Variants in ZNF844 observed in about 807,000 individuals in gnomAD.
ZNF844 encodes the protein zinc finger protein 844.
A neutral mutation model predicts 11.4 loss-of-function variants in ZNF844; 11 were observed. That is an observed-to-expected ratio of 0.97 (90% confidence interval 0.61 to 1.60). The LOEUF (loss-of-function observed/expected upper bound fraction) is 1.60, where lower values mean the gene tolerates loss of function less well. Among genes scored for constraint, ZNF844 ranks in the 40% most tolerant of loss-of-function variants. The probability of loss-of-function intolerance (pLI) is 0.00; values close to 1 mark genes in which losing one functional copy is unlikely to be tolerated. For missense variants in ZNF844, 790 were observed against 796.8 expected, an observed-to-expected ratio of 0.99 and a Z score of 0.10; for synonymous variants, 248 against 260.3, an observed-to-expected ratio of 0.95 and a Z score of 0.46.
Position 12,076,725 on chromosome 19 carries a change from CAAT to C in ZNF844, c.1606_1608del (p.Asn536del). 6.2e-7 allele frequency: 1 copy of C among 1,611,466 alleles called. No homozygotes were observed. Among genetic ancestry groups the C allele is most frequent in the Non-Finnish European group, 8.5e-7 (1 of 1,179,000 alleles). On this transcript the variant is annotated inframe_deletion, in exon 4 of 4. Transcript: ENST00000439326. ...TGGAAAGCAACTGTATGAATCTAAA[CAAT>C]GTGAAAAAACCTTTGGATCTGTCAG...
At position 12,076,750 on chromosome 19, in the gene ZNF844, T is replaced by A. The variant is rs1213958538; in HGVS notation, c.1630T>A (p.Ser544Thr). The A allele has an allele frequency of 1.9e-6, 3 of 1,599,726 alleles. No individual in the cohort carries two copies. The highest frequency in any genetic ancestry group is 2.6e-6 in the Non-Finnish European group (3 of 1,172,774). ...LNNVKKPLDL[S>T]ETFKFMKRHT... ...CAATGTGAAAAAACCTTTGGATCTG[T>A]CAGAAACCTTCAAATTCATGAAAAG... Residue 544 changes from serine to threonine, a missense_variant, in exon 4 of 4, where the codon TCA (serine) becomes ACA (threonine). Coordinates refer to ENST00000439326, the MANE Select transcript of ZNF844 (RefSeq NM_001136501.3).
chr19:12,068,613 C>T (rs1216204178), intron 1 of ZNF844, among the ~76,000 whole-genome samples: 1 of 152,118 alleles, frequency 6.6e-6, no homozygotes, highest in Non-Finnish European at 1.5e-5. Flanking sequence ...GCCTGGGCAA[C>T]AAGAGTGAAA....
At chr19:12,073,752 G>T (rs1403518338) in intron 1 of ZNF844, among the ~76,000 whole-genome samples, 1 of 152,130 alleles carries the variant, frequency 6.6e-6, no homozygotes, top group African/African-American at 2.4e-5. Context: ...GCTACAAACA[G>T]ACATTAAGAG....
rs75644013 is a variant in ZNF844, at chr19:12,069,438, C to A, written c.3+4562C>A. Among the ~76,000 whole-genome samples, 1,390 of 151,396 alleles carry A rather than the reference C, an allele frequency of 9.2e-3. 22 individuals carry two copies. The highest frequency in any genetic ancestry group is 0.075 in the East Asian group (377 of 5,048). On this transcript the variant is annotated intron_variant, in intron 1 of 3. Coordinates refer to ENST00000439326, the MANE Select transcript of ZNF844 (RefSeq NM_001136501.3). ...ACCTCAGGTGATCCACCCACCTTGG[C>A]CTCCCAAAGTGCTGGAATTAACAGG...
Position 12,076,280 on chromosome 19 carries a change from T to G in ZNF844, c.1160T>G (p.Leu387Arg). Residue 387 changes from leucine to arginine, a missense_variant, in exon 4 of 4, where the codon CTG (leucine) becomes CGG (arginine). This residue lies in a region of ZNF844 where 657 missense variants were observed against 636.2 expected (regional missense o/e 1.03). Coordinates refer to ENST00000439326, the MANE Select transcript of ZNF844 (RefSeq NM_001136501.3). Reference sequence around the variant, plus strand: ...TTTGAAGACATGAAAGAACTCACACTGGAGAGAAACCTTATGAATGCAAGC... The same window carrying G: ...TTTGAAGACATGAAAGAACTCACACGGGAGAGAAACCTTATGAATGCAAGC... ...VRFEDMKELTLERNLMNASTV... is the reference protein window; with the variant it reads ...VRFEDMKELTRERNLMNASTV... The G allele has an allele frequency of 6.2e-7, 1 of 1,613,716 alleles. No individual in the cohort carries two copies. Among genetic ancestry groups the G allele is most frequent in the African/African-American group, 1.3e-5 (1 of 75,042 alleles).
At chr19:12,070,103 A>G (rs1007200581) in intron 1 of ZNF844, 3 of 139,370 alleles carry the variant, frequency 2.2e-5, no homozygotes, top group East Asian at 2.0e-4. Flanking sequence ...CACAAAAAGG[A>G]AAAAAAAAAA....
chr19:12,076,060 T>A lies in ZNF844; in HGVS notation c.940T>A (p.Cys314Ser), dbSNP rs751480522. 9 of 1,563,688 alleles carry A rather than the reference T, an allele frequency of 5.8e-6. No individual in the cohort carries two copies. The highest frequency in any genetic ancestry group is 6.9e-6 in the Non-Finnish European group (8 of 1,153,440). ...GGAGAAGGCTTATGAATGTACCAAA[T>A]GTGGGAAAGCATTCAAGTGTCCCAG... Reference protein sequence around the residue: ...SEEKAYECTKCGKAFKCPSYL... With the variant: ...SEEKAYECTKSGKAFKCPSYL... Residue 314 changes from cysteine to serine, a missense_variant, in exon 4 of 4, where the codon TGT (cysteine) becomes AGT (serine). By Grantham distance (112) the Cys-to-Ser change is moderately radical (BLOSUM62 -1). Transcript: ENST00000439326.
Position 12,075,605 on chromosome 19 carries a change from C to G in ZNF844, c.485C>G (p.Ala162Gly). ...CHPSFQMQEK[A>G]HTGEKLYDCK... ...CCCTCCTTTCAAATGCAAGAAAAGGCTCACACTGGAGAAAAACTCTATGAT... is the reference window on the plus strand; with the variant it reads ...CCCTCCTTTCAAATGCAAGAAAAGGGTCACACTGGAGAAAAACTCTATGAT... The change falls in exon 4 of 4, where the codon GCT becomes GGT. Residue 162 changes from alanine to glycine, a missense_variant. Physicochemically the swap from Ala to Gly is moderately conservative, Grantham distance 60. This residue lies in a region of ZNF844 where 657 missense variants were observed against 636.2 expected (regional missense o/e 1.03). Coordinates refer to ENST00000439326, the MANE Select transcript of ZNF844 (RefSeq NM_001136501.3). 5 of 1,613,718 alleles carry G rather than the reference C, an allele frequency of 3.1e-6. No homozygotes were observed. The highest frequency in any genetic ancestry group is 4.2e-6 in the Non-Finnish European group (5 of 1,179,910).
chr19:12,076,214 A>C lies in ZNF844; in HGVS notation c.1094A>C (p.Lys365Thr). 6.3e-7 allele frequency: 1 copy of C among 1,597,976 alleles called. No homozygotes were observed. The highest frequency in any genetic ancestry group is 8.5e-7 in the Non-Finnish European group (1 of 1,171,954). The change falls in exon 4 of 4, where the codon AAA (lysine) becomes ACA (threonine). Residue 365 changes from lysine to threonine, a missense_variant. Lys to Thr is a moderately conservative substitution (Grantham distance 78). Around this residue, in one of 3 missense-constraint regions of ZNF844, gnomAD observed 657 missense variants for 636.2 expected, o/e 1.03. Coordinates refer to ENST00000439326, the MANE Select transcript of ZNF844 (RefSeq NM_001136501.3). ...ATGCACACTAGAATGAGACCTTATA[A>C]ATGTAAGACTGTGGAAAAGCCTTTG... ...MKMHTRMRPYKCKTVEKPLIL... is the reference protein window; with the variant it reads ...MKMHTRMRPYTCKTVEKPLIL...
intron 1 of ZNF844, among the ~76,000 whole-genome samples, chr19:12,070,600 A>G (rs1975744435): frequency 6.6e-6 from 1 of 152,170 alleles, no homozygotes; most frequent in Non-Finnish European, 1.5e-5. Context: ...CCAGAAGAGA[A>G]CTTCTTATCA....
Position 12,076,213 on chromosome 19 carries a change from A to G in ZNF844, c.1093A>G (p.Lys365Glu). The G allele has an allele frequency of 6.3e-7, 1 of 1,597,788 alleles. No individual in the cohort carries two copies. The highest frequency in any genetic ancestry group is 2.3e-5 in the East Asian group (1 of 43,958). Residue 365 changes from lysine (K) to glutamate (E), a missense_variant, in exon 4 of 4, where the codon AAA (lysine) becomes GAA (glutamate). Around this residue, in one of 3 missense-constraint regions of ZNF844, gnomAD observed 657 missense variants for 636.2 expected, o/e 1.03. Coordinates refer to ENST00000439326, the MANE Select transcript of ZNF844 (RefSeq NM_001136501.3). The stretch of plus-strand genomic sequence containing the variant: ...AATGCACACTAGAATGAGACCTTAT[A>G]AATGTAAGACTGTGGAAAAGCCTTT... ...MKMHTRMRPYKCKTVEKPLIL... is the reference protein window; with the variant it reads ...MKMHTRMRPYECKTVEKPLIL...
chr19:12,074,178 TC>T, intron 2 of ZNF844, 21 bp downstream of exon 2: 1 of 1,612,558 alleles, frequency 6.2e-7, no homozygotes, highest in Non-Finnish European at 8.5e-7. Context: ...CAGTATTACG[TC>T]CCCCAGTGAA....
In ZNF844 at chr19:12,075,399, C is replaced by CA. The variant is rs1434070576; in HGVS notation, c.286dup (p.Thr96AsnfsTer9). The CA allele has an allele frequency of 5.0e-5, 80 of 1,598,224 alleles. No individual in the cohort carries two copies. Among genetic ancestry groups the CA allele is most frequent in the Non-Finnish European group, 6.6e-5 (77 of 1,173,260 alleles). On this transcript the variant is annotated frameshift_variant, in exon 4 of 4. Coordinates refer to ENST00000439326, the MANE Select transcript of ZNF844 (RefSeq NM_001136501.3). LOFTEE classifies it low-confidence loss of function (END_TRUNC). ...GCCAGATTCCAGATGACACACTGAA[C>CA]AAAAAAACTTCTCCTGGAGTAAAAT...
intron 1 of ZNF844, among the ~76,000 whole-genome samples, chr19:12,069,476 C>T (rs1197024782): frequency 2.6e-5 from 4 of 151,154 alleles, no homozygotes; most frequent in Admixed American, 1.3e-4. Context: ...TGAGCCATCG[C>T]GCCCAGCCAG....
In ZNF844 at chr19:12,074,146, T is replaced by C; in HGVS notation, c.119T>C (p.Leu40Pro). 1 of 1,613,792 alleles carries C rather than the reference T, an allele frequency of 6.2e-7. No homozygotes were observed. Among genetic ancestry groups the C allele is most frequent in the Non-Finnish European group, 8.5e-7 (1 of 1,179,822 alleles). The stretch of plus-strand genomic sequence containing the variant: ...GTGATGCAGGAAACCTTGAGGAATC[T>C]GGCCTCCATAGGTAAGAATGACAGT... ...REVMQETLRN[L>P]ASIGEKWKDQ... Residue 40 changes from leucine (L) to proline (P), a missense_variant, in exon 2 of 4, where the codon CTG (leucine) becomes CCG (proline). By Grantham distance (98) the Leu-to-Pro change is moderately conservative (BLOSUM62 -3). Around this residue, in one of 3 missense-constraint regions of ZNF844, gnomAD observed 129 missense variants for 144.0 expected, o/e 0.90. Coordinates refer to ENST00000439326, the MANE Select transcript of ZNF844 (RefSeq NM_001136501.3).
In ZNF844 at chr19:12,080,346, C is replaced by CAAAAAAAAAA; in HGVS notation, c.*3236_*3245dup. 3.0e-5 allele frequency: 5 copies of CAAAAAAAAAA among 169,270 alleles called. No homozygotes were observed. The highest frequency in any genetic ancestry group is 1.3e-4 in the South Asian group (3 of 23,788). 10.5% of individuals were successfully genotyped at this position (169,270 alleles called of 1,614,324 possible). ...GCGGCGACAGAGCAAGACTCCGTCT[C>CAAAAAAAAAA]AAAAAAAAAAAAAAAAAAAAGAGAA... On this transcript the variant is annotated 3_prime_UTR_variant, in exon 4 of 4. Transcript: ENST00000439326.
Position 12,075,764 on chromosome 19 carries a change from A to G in ZNF844, c.644A>G (p.His215Arg), listed in dbSNP as rs537864739. ...CCTTGTCTCAGCATATATCTTATAC[A>G]TGAACGAGTTCACACTGGAGAGAAA... is the stretch of plus-strand genomic sequence containing the variant. ...ACPCLSIYLI[H>R]ERVHTGEKPY... Residue 215 changes from histidine to arginine, a missense_variant, in exon 4 of 4, where the codon CAT becomes CGT. Physicochemically the swap from His to Arg is conservative, Grantham distance 29 (BLOSUM62 0). Transcript: ENST00000439326. The G allele has an allele frequency of 8.1e-6, 13 of 1,613,696 alleles. No individual in the cohort carries two copies. The African/African-American group carries it at 9.3e-5, about 12-fold the overall frequency.
Position 12,074,056 on chromosome 19 carries a change from C to T in ZNF844, c.29C>T (p.Ala10Val). 6.2e-7 allele frequency: 1 copy of T among 1,613,502 alleles called. No homozygotes were observed. The highest frequency in any genetic ancestry group is 1.1e-5 in the South Asian group (1 of 91,074). MDLVAFEDV[A>V]VNFTQEEWSL... ...GACTTGGTGGCTTTCGAGGATGTGG[C>T]TGTGAACTTCACCCAGGAGGAGTGG... is the stretch of plus-strand genomic sequence containing the variant. Residue 10 changes from alanine to valine, a missense_variant, in exon 2 of 4, where the codon GCT (alanine) becomes GTT (valine). Physicochemically the swap from Ala to Val is moderately conservative, Grantham distance 64. This residue lies in a region of ZNF844 where 129 missense variants were observed against 144.0 expected (regional missense o/e 0.90). Coordinates refer to ENST00000439326, the MANE Select transcript of ZNF844 (RefSeq NM_001136501.3).
intron 1 of ZNF844, among the ~76,000 whole-genome samples, chr19:12,067,187 G>A (rs538793607): frequency 3.0e-4 from 45 of 151,662 alleles, no homozygotes; most frequent in African/African-American, 1.0e-3. Flanking sequence ...GCTACAGAGT[G>A]AGACTCCCTC....
Sources: gnomAD v4.1 joint callset for allele counts (sites outside exome capture counted in the v4.1 genomes callset) on GRCh38, gnomAD v4.1.1 for gene constraint, gnomAD v4.1.1 regional missense constraint, MANE v1.5 for transcripts, NCBI Gene and HGNC (gene_info 2026-07-23, HGNC 2026-07-21) for gene names.